NSD1: variants seen among roughly 807,000 people sequenced by gnomAD.
NSD1 encodes nuclear receptor binding SET domain protein 1.
Under a neutral mutation model 242.7 loss-of-function variants are expected in NSD1, and 26 were observed. That is an observed-to-expected ratio of 0.11 (90% confidence interval 0.08 to 0.15). The LOEUF is 0.15. Among genes scored for constraint, NSD1 ranks in the 10% least tolerant of loss-of-function variants. NSD1 has a pLI of 1.00. For synonymous variants in NSD1, 1,106 were observed against 1,178.1 expected, an observed-to-expected ratio of 0.94 and a Z score of 1.25; for missense variants, 2,495 against 3,272.8, an observed-to-expected ratio of 0.76 and a Z score of 5.80.
At chr5:177,289,827 G>A (rs1759637193) in intron 21 of NSD1, among the ~76,000 whole-genome samples, 1 of 145,708 alleles carries the variant, frequency 6.9e-6, no homozygotes. Flanking sequence ...TGTTGTTGTT[G>A]TTTTGTGTTT....
chr5:177,237,531 CTTTTT>C (rs35657331), intron 6 of NSD1, among the ~76,000 whole-genome samples: 1 of 123,156 alleles, frequency 8.1e-6, no homozygotes, highest in Non-Finnish European at 1.7e-5. Flanking sequence ...ATTATTTTAT[CTTTTT>C]TTTTTTTTTT....
At chr5:177,136,174 AT>A in intron 2 of NSD1, 144 bp downstream of exon 2, 1 of 693,664 alleles carries the variant, frequency 1.4e-6, no homozygotes, top group Non-Finnish European at 2.4e-6. Context: ...TTTGGGCAAA[AT>A]TTTACTTTGA....
intron 10 of NSD1, chr5:177,247,820 A>G (rs1425912573): frequency 1.4e-6 from 1 of 701,172 alleles, no homozygotes; most frequent in Admixed American, 6.3e-5. Context: ...TCTTTCCAGG[A>G]CAATTTGAAT....
intron 8 of NSD1, among the ~76,000 whole-genome samples, chr5:177,243,080 A>G (rs950976503): frequency 1.3e-5 from 2 of 152,254 alleles, no homozygotes; most frequent in African/African-American, 2.4e-5. Flanking sequence ...TTGGAATGTC[A>G]TTCAGTATTT....
intron 5 of NSD1, among the ~76,000 whole-genome samples, chr5:177,225,432 C>G (rs951666577): frequency 1.3e-5 from 2 of 152,150 alleles, no homozygotes; most frequent in Non-Finnish European, 2.9e-5. Context: ...TGTGAGCCGC[C>G]GTGCCCAGCC....
chr5:177,217,471 A>T (rs1763866216), intron 5 of NSD1, among the ~76,000 whole-genome samples: 1 of 151,968 alleles, frequency 6.6e-6, no homozygotes, highest in African/African-American at 2.4e-5. Context: ...TTGCCTAATT[A>T]CTCTGCTAGG....
At chr5:177,199,185 T>C (rs1425340104) in intron 3 of NSD1, among the ~76,000 whole-genome samples, 1 of 152,266 alleles carries the variant, frequency 6.6e-6, no homozygotes, top group African/African-American at 2.4e-5. Flanking sequence ...TCAGAAATAT[T>C]GCACAACTGT....
At chr5:177,245,451 A>T (rs1014359200) in intron 9 of NSD1, among the ~76,000 whole-genome samples, 1 of 152,262 alleles carries the variant, frequency 6.6e-6, no homozygotes, top group African/African-American at 2.4e-5. Context: ...TCTCCAACTC[A>T]ATCAGGCAGT....
chr5:177,256,097 A>G (rs1260301269), intron 12 of NSD1, among the ~76,000 whole-genome samples: 2 of 151,968 alleles, frequency 1.3e-5, no homozygotes, highest in Admixed American at 6.6e-5. Context: ...CATTTGTCTC[A>G]GGGATGTCTT....
upstream of NSD1, among the ~76,000 whole-genome samples, chr5:177,133,311 C>A (rs1467746848): frequency 6.6e-6 from 1 of 152,162 alleles, no homozygotes; most frequent in Non-Finnish European, 1.5e-5. The surrounding 1 kb of genome is among the most constrained non-coding windows in gnomAD (Gnocchi z 6.2). Flanking sequence ...ATCGGACAGG[C>A]CTCAGCCGCG....
chr5:177,141,728 C>T (rs750199729), intron 2 of NSD1, among the ~76,000 whole-genome samples: 1 of 152,186 alleles, frequency 6.6e-6, no homozygotes, highest in East Asian at 1.9e-4. Context: ...TGCTACTCCA[C>T]TCTATGAAAC....
At chr5:177,285,563 CAAAAAAAA>C (rs772293606) in intron 20 of NSD1, among the ~76,000 whole-genome samples, 24 of 81,912 alleles carry the variant, frequency 2.9e-4, no homozygotes, top group Middle Eastern at 7.9e-3. Context: ...GATTCCATCT[CAAAAAAAA>C]AAAAAAAAAA....
intron 17 of NSD1, among the ~76,000 whole-genome samples, chr5:177,278,067 A>G (rs1351259248): frequency 1.3e-5 from 2 of 152,150 alleles, no homozygotes; most frequent in African/African-American, 4.8e-5. Context: ...TTCCAGTTGC[A>G]TGTGTTGGGG....
At chr5:177,277,151 A>G (rs976828266) in intron 17 of NSD1, among the ~76,000 whole-genome samples, 1 of 151,434 alleles carries the variant, frequency 6.6e-6, no homozygotes, top group Non-Finnish European at 1.5e-5. Flanking sequence ...TTTTTAATAA[A>G]CATTTCCAGG....
intron 2 of NSD1, among the ~76,000 whole-genome samples, chr5:177,179,484 G>C (rs1760480051): frequency 6.6e-6 from 1 of 152,154 alleles, no homozygotes; most frequent in Non-Finnish European, 1.5e-5. Flanking sequence ...CAAAGTGCTG[G>C]GATTATAGGC....
intron 6 of NSD1, among the ~76,000 whole-genome samples, chr5:177,237,636 C>A (rs942947676): frequency 6.7e-6 from 1 of 150,286 alleles, no homozygotes; most frequent in African/African-American, 2.5e-5. Context: ...CTGTTCACAC[C>A]ATTCTCCTGC....
chr5:177,187,402 G>A (rs114959361), intron 2 of NSD1, among the ~76,000 whole-genome samples: 2,777 of 152,212 alleles, frequency 0.018, 33 homozygotes, highest in Non-Finnish European at 0.028. Context: ...ACCGCACCCA[G>A]CCTGTGACTT....
intron 2 of NSD1, among the ~76,000 whole-genome samples, chr5:177,159,282 T>G (rs1758532543): frequency 6.6e-6 from 1 of 151,396 alleles, no homozygotes; most frequent in Admixed American, 6.6e-5. Flanking sequence ...AGTTTTTTTT[T>G]TTGTTTGTTT....
At chr5:177,266,310 T>A (rs1178236796) in intron 14 of NSD1, 1 of 728,332 alleles carries the variant, frequency 1.4e-6, no homozygotes, top group Non-Finnish European at 2.6e-6. Flanking sequence ...TTGACAATCT[T>A]CACCGCATAA....
Sources: gnomAD v4.1 joint callset for allele counts (sites outside exome capture counted in the v4.1 genomes callset) on GRCh38, gnomAD v4.1.1 for gene constraint, Gnocchi (gnomAD v3.1) non-coding constraint, MANE v1.5 for transcripts, NCBI Gene and HGNC (gene_info 2026-07-23, HGNC 2026-07-21) for gene names.